OSBPL2: variants seen among roughly 807,000 people sequenced by gnomAD.
The protein encoded by OSBPL2 is oxysterol-binding protein-related protein 2.
OSBPL2 carries 18 observed loss-of-function variants against 58.4 expected under a neutral mutation model. The ratio of observed to expected loss-of-function variants is 0.31; its 90% CI spans 0.21 to 0.46. OSBPL2 has a LOEUF of 0.46. Ranked by LOEUF, OSBPL2 falls within the 20% of genes least tolerant of loss-of-function variation. The pLI is 1.00. For missense variants in OSBPL2, 461 were observed against 616.5 expected (o/e 0.75, Z 2.67); for synonymous variants, 221 against 234.1 (o/e 0.94, Z 0.51).
intron 1 of OSBPL2, among the ~76,000 whole-genome samples, chr20:62,255,808 A>G (rs1980885278): frequency 6.6e-6 from 1 of 152,230 alleles, no homozygotes; most frequent in African/African-American, 2.4e-5. Context: ...CCCAGCCAAT[A>G]ATGCTTTTTA....
At chr20:62,248,155 C>CTTTTTT (rs11470491) in intron 1 of OSBPL2, among the ~76,000 whole-genome samples, 10 of 118,848 alleles carry the variant, frequency 8.4e-5, no homozygotes, top group African/African-American at 2.9e-4. Context: ...CTTTTCTTTT[C>CTTTTTT]TTTTTTTTTT....
In OSBPL2 at chr20:62,293,856, G is replaced by A. The variant is rs748904630; in HGVS notation, c.1412G>A (p.Arg471Gln). 11 of 1,613,968 alleles carry A rather than the reference G, an allele frequency of 6.8e-6. No individual in the cohort carries two copies. Among genetic ancestry groups the A allele is most frequent in the Admixed American group, 5.0e-5 (3 of 59,990 alleles). Residue 471 changes from arginine (R) to glutamine (Q), a missense_variant, in exon 14 of 14, where the codon CGG becomes CAG. Transcript: ENST00000313733. ...TTGTATGCAGGGGATTACTTTGAGCGGAATTTCTCCGACTGCCCAGATATC... is the reference window on the plus strand; with the variant it reads ...TTGTATGCAGGGGATTACTTTGAGCAGAATTTCTCCGACTGCCCAGATATC... ...DWLYAGDYFE[R>Q]NFSDCPDIY is the part of the protein sequence containing the mutation.
chr20:62,238,731 C>G (rs911998458), intron 1 of OSBPL2, 134 bp downstream of exon 1: 5 of 150,754 alleles, frequency 3.3e-5, no homozygotes, highest in Non-Finnish European at 7.4e-5. Context: ...CGCAGGCCGC[C>G]TCCAGCCCCG....
rs2145987813 is a variant in OSBPL2 at position 62,294,889 on chromosome 20, A to G, written c.*1002A>G. ...TGTAATTAAAGTTATTTAACCAAAA[A>G]TAGGTATGTGTCCATCTCAGCATTC... is the stretch of plus-strand genomic sequence containing the variant. On this transcript the variant is annotated 3_prime_UTR_variant, in exon 14 of 14. Coordinates refer to ENST00000313733, the MANE Select transcript of OSBPL2 (RefSeq NM_144498.4). The G allele has an allele frequency of 6.6e-6, 1 of 152,136 alleles. No individual in the cohort carries two copies. Among genetic ancestry groups the G allele is most frequent in the East Asian group, 1.9e-4 (1 of 5,178 alleles). 9.4% of individuals were successfully genotyped at this position (152,136 alleles called of 1,614,324 possible).
In OSBPL2 at chr20:62,263,251, T is replaced by G. The variant is rs553751714; in HGVS notation, c.183-365T>G. ...GCTGCCCTCTTACCTCTGCCTGTGG[T>G]CTGGCCGCTGCCCCAGGGACCCAGC... On this transcript the variant is annotated intron_variant, in intron 3 of 13. Transcript: ENST00000313733. Among the ~76,000 whole-genome samples the G allele has an allele frequency of 2.6e-5, 4 of 152,282 alleles. No homozygotes were observed. The East Asian group carries it at 7.7e-4, about 29-fold the overall frequency.
At chr20:62,265,225 C>T (rs1243240955) in intron 4 of OSBPL2, among the ~76,000 whole-genome samples, 1 of 152,148 alleles carries the variant, frequency 6.6e-6, no homozygotes, top group Non-Finnish European at 1.5e-5. Flanking sequence ...CCCTTCTCCC[C>T]TAATTATATA....
At chr20:62,272,847 G>A (rs764490959) in intron 5 of OSBPL2, among the ~76,000 whole-genome samples, 2 of 152,248 alleles carry the variant, frequency 1.3e-5, no homozygotes, top group Non-Finnish European at 2.9e-5. Context: ...AGTGAGCCAC[G>A]ATTACGCCAC....
rs554717311 is a variant in OSBPL2, at chr20:62,286,813, G to T, written c.1125+102G>T. The T allele has an allele frequency of 7.0e-5, 95 of 1,360,206 alleles. No homozygotes were observed. In the African/African-American group the frequency reaches 1.3e-3, roughly 18 times the overall value. 84.3% of individuals were successfully genotyped at this position (1,360,206 alleles called of 1,614,324 possible). A position where few individuals can be genotyped will look rare whatever the true frequency, so the allele number is the denominator to read the frequency against. On this transcript the variant is annotated intron_variant, in intron 11 of 13. Coordinates refer to ENST00000313733, the MANE Select transcript of OSBPL2 (RefSeq NM_144498.4). Reference sequence around the variant, plus strand: ...CCCTGTCCTTGGGCCCTTGCCTGCCGCCTCGCCTCAGCCTGTTGTCCCAGA... The same window carrying T: ...CCCTGTCCTTGGGCCCTTGCCTGCCTCCTCGCCTCAGCCTGTTGTCCCAGA...
In OSBPL2 at chr20:62,256,922, C is replaced by T. The variant is rs187226061; in HGVS notation, c.37+701C>T. ...GTTCATTCTCCACTCTTCTGTGCCT[C>T]GGAGTCAGCATCTGGAATTCCGCTT... On this transcript the variant is annotated intron_variant, in intron 2 of 13. Transcript: ENST00000313733. 3.9e-5 allele frequency among the ~76,000 whole-genome samples: 6 copies of T among 152,338 alleles called. No homozygotes were observed. The East Asian group carries it at 7.7e-4, about 20-fold the overall frequency.
rs1042513953 is a variant in OSBPL2, at chr20:62,295,561, T to C, written c.*1674T>C. 3.9e-5 allele frequency: 6 copies of C among 152,164 alleles called. No homozygotes were observed. Among genetic ancestry groups the C allele is most frequent in the Non-Finnish European group, 7.3e-5 (5 of 68,028 alleles). 9.4% of individuals were successfully genotyped at this position (152,164 alleles called of 1,614,324 possible). ...CGAGTCCTGTGTCATCCTCGGGGCC[T>C]ATGAGCTCCGTACCAGCCACTCAAA... On this transcript the variant is annotated 3_prime_UTR_variant, in exon 14 of 14. Transcript: ENST00000313733. The surrounding 1 kb of genome is among the most constrained non-coding windows in gnomAD (Gnocchi z 4.8).
chr20:62,248,640 T>C (rs570298438), intron 1 of OSBPL2, among the ~76,000 whole-genome samples: 1 of 152,278 alleles, frequency 6.6e-6, no homozygotes, highest in East Asian at 1.9e-4. Flanking sequence ...ATCCCCAGTC[T>C]CGTTCACCAA....
chr20:62,280,979 G>A (rs1601192358), intron 7 of OSBPL2, 79 bp from the exon 8 acceptor site: 8 of 1,137,456 alleles, frequency 7.0e-6, no homozygotes, highest in Admixed American at 3.4e-5. Flanking sequence ...ACCCAGCCCC[G>A]CCTGGTCGTT....
chr20:62,284,854 G>A (rs1349171341), intron 10 of OSBPL2: 3 of 152,134 alleles, frequency 2.0e-5, no homozygotes, highest in Admixed American at 6.5e-5. Flanking sequence ...AAATCTTCTC[G>A]CTTTCTTTGA....
intron 10 of OSBPL2, chr20:62,284,507 G>A (rs962945263): frequency 1.3e-5 from 4 of 309,922 alleles, no homozygotes; most frequent in African/African-American, 8.5e-5. Context: ...CTCCCAAGTG[G>A]CTAGGACTAT....
chr20:62,240,416 T>C (rs1480260346), intron 1 of OSBPL2, among the ~76,000 whole-genome samples: 1 of 152,234 alleles, frequency 6.6e-6, no homozygotes, highest in Non-Finnish European at 1.5e-5. Context: ...TAATAATGAT[T>C]GTTCCAGGAC....
Position 62,284,105 on chromosome 20 carries a change from C to T in OSBPL2, c.932C>T (p.Pro311Leu). 1 of 1,614,076 alleles carries T rather than the reference C, an allele frequency of 6.2e-7. No homozygotes were observed. Among genetic ancestry groups the T allele is most frequent in the Non-Finnish European group, 8.5e-7 (1 of 1,179,934 alleles). Residue 311 changes from proline (P) to leucine (L), a missense_variant, in exon 10 of 14, where the codon CCT becomes CTT. Physicochemically the swap from Pro to Leu is moderately conservative, Grantham distance 98 (BLOSUM62 -3). Around this residue, in one of 5 missense-constraint regions of OSBPL2, gnomAD observed 319 missense variants for 419.2 expected, o/e 0.76. Transcript: ENST00000313733. Reference sequence around the variant, plus strand: ...ACGGAATGTTTGTGGGGCATAGATCCTGTTTCGTATGAATCCTTCAAGAAG... The same window carrying T: ...ACGGAATGTTTGTGGGGCATAGATCTTGTTTCGTATGAATCCTTCAAGAAG... Reference protein sequence around the residue: ...KWTECLWGIDPVSYESFKKQE... With the variant: ...KWTECLWGIDLVSYESFKKQE...
rs189264941 is a variant in OSBPL2, at chr20:62,253,408, C to T, written c.-128-2649C>T. ...GAACTCTGGACTTGAATGTATTCAC[C>T]GTGTTTCAGCCTTTTCCCATGTACT... On this transcript the variant is annotated intron_variant, in intron 1 of 13. Transcript: ENST00000313733. Among the ~76,000 whole-genome samples the T allele has an allele frequency of 4.7e-4, 72 of 152,334 alleles. 1 individual carries two copies. In the East Asian group the frequency reaches 0.012, roughly 25 times the overall value.
At chr20:62,261,273 G>T (rs938887437) in intron 3 of OSBPL2, among the ~76,000 whole-genome samples, 1 of 142,470 alleles carries the variant, frequency 7.0e-6, no homozygotes. Flanking sequence ...CCGAGGTCAC[G>T]CCGCTGCACT....
Position 62,288,662 on chromosome 20 carries a change from C to T in OSBPL2, c.1126-545C>T, listed in dbSNP as rs1224808580. On this transcript the variant is annotated intron_variant, in intron 11 of 13. Transcript: ENST00000313733. This position sits in a 1 kb window ranked among gnomAD's most constrained non-coding sequence, Gnocchi z 4.8. ...CTGCTCGGGTGTGCTGTCCACAAGA[C>T]GCCGAGCAGACAGCTGCGAGCCAGA... 1.3e-5 allele frequency among the ~76,000 whole-genome samples: 2 copies of T among 152,250 alleles called. No individual in the cohort carries two copies. Among genetic ancestry groups the T allele is most frequent in the East Asian group, 1.9e-4 (1 of 5,184 alleles).
Sources: gnomAD v4.1 joint callset for allele counts (sites outside exome capture counted in the v4.1 genomes callset) on GRCh38, gnomAD v4.1.1 for gene constraint, gnomAD v4.1.1 regional missense constraint, Gnocchi (gnomAD v3.1) non-coding constraint, MANE v1.5 for transcripts, NCBI Gene and HGNC (gene_info 2026-07-23, HGNC 2026-07-21) for gene names.